Variants in SIL1 observed in about 807,000 individuals in gnomAD.
SIL1 encodes nucleotide exchange factor SIL1.
In SIL1, 40 loss-of-function variants were observed where a neutral mutation model predicts 49.1. The observed-to-expected ratio is 0.81, with a 90% confidence interval of 0.63 to 1.06. SIL1 has a LOEUF of 1.06. Ranked by LOEUF, SIL1 falls within the 50% of genes least tolerant of loss-of-function variation. The pLI, the probability that SIL1 is intolerant of heterozygous loss-of-function variation, is 0.00. For missense variants in SIL1, 500 were observed against 572.6 expected (o/e 0.87, Z 1.29); for synonymous variants, 253 against 250.8 (o/e 1.01, Z -0.08).
chr5:138,984,354 GT>G (rs772380838), intron 7 of SIL1, among the ~76,000 whole-genome samples: 51 of 135,602 alleles, frequency 3.8e-4, no homozygotes, highest in Middle Eastern at 4.0e-3. Flanking sequence ...GTTTGCTTTT[GT>G]TTTTTTTTTT....
At chr5:139,195,096 C>T (rs547873414) in intron 1 of SIL1, among the ~76,000 whole-genome samples, 1 of 151,734 alleles carries the variant, frequency 6.6e-6, no homozygotes, top group South Asian at 2.1e-4. Context: ...CCACGCCCGG[C>T]TAATTTTGCA....
At chr5:139,178,356 T>G (rs559516089) in intron 1 of SIL1, among the ~76,000 whole-genome samples, 2 of 152,310 alleles carry the variant, frequency 1.3e-5, no homozygotes, top group South Asian at 4.1e-4. Context: ...GTGCTGCTCA[T>G]TTGCAAATCC....
Position 139,143,344 on chromosome 5 carries a change from C to CATAT in SIL1, c.-10-15495_-10-15492dup, listed in dbSNP as rs1314250793. ...ACACACACACACACACACACACACA[C>CATAT]ATATATATATATATATATATATGGT... On this transcript the variant is annotated intron_variant, in intron 1 of 9. Coordinates refer to ENST00000394817, the MANE Select transcript of SIL1 (RefSeq NM_022464.5). 6.4e-4 allele frequency among the ~76,000 whole-genome samples: 62 copies of CATAT among 97,500 alleles called. No homozygotes were observed. The Middle Eastern group carries it at 0.018, about 29-fold the overall frequency. The allele number at this position is 97,500 out of a possible 152,430, so 64.0% of individuals were successfully genotyped here. A position where few individuals can be genotyped will look rare whatever the true frequency, so the allele number is the denominator to read the frequency against.
chr5:138,951,112 T>C (rs1023924833), intron 9 of SIL1, 59 bp downstream of exon 9: 2 of 1,569,434 alleles, frequency 1.3e-6, no homozygotes, highest in Non-Finnish European at 1.7e-6. Flanking sequence ...TGTCTGTCCA[T>C]CCACCCAGAA....
intron 3 of SIL1, among the ~76,000 whole-genome samples, chr5:139,055,718 C>T (rs927953109): frequency 6.7e-6 from 1 of 149,556 alleles, no homozygotes; most frequent in Non-Finnish European, 1.5e-5. Context: ...CCTCTGATGC[C>T]TAGCCGAAGC....
At chr5:139,002,589 T>C (rs1377232805) in intron 7 of SIL1, among the ~76,000 whole-genome samples, 2 of 152,132 alleles carry the variant, frequency 1.3e-5, no homozygotes, top group Non-Finnish European at 2.9e-5. Flanking sequence ...GAAAGAGAAA[T>C]ACAAATTTGG....
chr5:138,995,143 G>A (rs916769711), intron 7 of SIL1, among the ~76,000 whole-genome samples: 2 of 152,032 alleles, frequency 1.3e-5, no homozygotes, highest in African/African-American at 4.8e-5. Flanking sequence ...GAATAGTGCT[G>A]TAATGAACAT....
At chr5:138,949,829 G>GAAAAGAA (rs1339578897) in intron 9 of SIL1, among the ~76,000 whole-genome samples, 1 of 148,752 alleles carries the variant, frequency 6.7e-6, no homozygotes, top group African/African-American at 2.5e-5. Flanking sequence ...AAAAAGAAAA[G>GAAAAGAA]AAAAGAAAAA....
chr5:139,182,968 A>G (rs577816937), intron 1 of SIL1, among the ~76,000 whole-genome samples: 20 of 152,368 alleles, frequency 1.3e-4, no homozygotes, highest in African/African-American at 4.6e-4. Flanking sequence ...ACATGTCCAC[A>G]TAAATCAACT....
intron 3 of SIL1, among the ~76,000 whole-genome samples, chr5:139,054,625 T>C (rs1422624109): frequency 6.6e-6 from 1 of 152,274 alleles, no homozygotes; most frequent in East Asian, 1.9e-4. Flanking sequence ...TTTCAAACTT[T>C]TGACCAAAGT....
At chr5:139,111,675 G>C (rs951143677) in intron 3 of SIL1, among the ~76,000 whole-genome samples, 3 of 152,098 alleles carry the variant, frequency 2.0e-5, no homozygotes, top group Non-Finnish European at 2.9e-5. Flanking sequence ...TATGGCTATC[G>C]CTAACTGAAA....
intron 7 of SIL1, among the ~76,000 whole-genome samples, chr5:138,978,288 T>C (rs1168519272): frequency 6.6e-6 from 1 of 151,194 alleles, no homozygotes; most frequent in Non-Finnish European, 1.5e-5. Context: ...AGAGATGGAA[T>C]CATCCAGTAT....
chr5:139,158,172 A>G (rs977001847), intron 1 of SIL1, among the ~76,000 whole-genome samples: 1 of 152,228 alleles, frequency 6.6e-6, no homozygotes, highest in African/African-American at 2.4e-5. Flanking sequence ...TCAATGGCAG[A>G]GCCAGAATTA....
chr5:139,189,084 T>C (rs958487612), intron 1 of SIL1, among the ~76,000 whole-genome samples: 2 of 152,210 alleles, frequency 1.3e-5, no homozygotes, highest in Non-Finnish European at 2.9e-5. Context: ...CAGCATAACC[T>C]ATCCTGAAAC....
chr5:139,056,721 C>T (rs1407017663), intron 3 of SIL1, among the ~76,000 whole-genome samples: 1 of 151,300 alleles, frequency 6.6e-6, no homozygotes, highest in Non-Finnish European at 1.5e-5. Flanking sequence ...GCCCGGCCAG[C>T]CGCCCCGCCC....
At chr5:139,164,116 C>A (rs1205838440) in intron 1 of SIL1, among the ~76,000 whole-genome samples, 317 of 114,402 alleles carry the variant, frequency 2.8e-3, no homozygotes, top group East Asian at 3.8e-3. Context: ...GAGAATGTCT[C>A]AAAAAAAAAA....
intron 1 of SIL1, chr5:139,155,550 A>C (rs1163081384): frequency 1.3e-5 from 2 of 151,984 alleles, no homozygotes; most frequent in Admixed American, 6.6e-5. Context: ...CCCAAACCTG[A>C]TGACTTCATT....
intron 7 of SIL1, among the ~76,000 whole-genome samples, chr5:138,984,980 G>A (rs534496920): frequency 6.6e-6 from 1 of 152,362 alleles, no homozygotes; most frequent in Admixed American, 6.5e-5. Flanking sequence ...AACGGCAGCA[G>A]TGGAAGCTAC....
chr5:138,955,817 C>T (rs1259844666), intron 7 of SIL1, among the ~76,000 whole-genome samples: 3 of 152,208 alleles, frequency 2.0e-5, no homozygotes, highest in Admixed American at 6.5e-5. Context: ...TGCCGCTGCA[C>T]GGGTGGCAGG....
Sources: gnomAD v4.1 joint callset for allele counts (sites outside exome capture counted in the v4.1 genomes callset) on GRCh38, gnomAD v4.1.1 for gene constraint, MANE v1.5 for transcripts, NCBI Gene and HGNC (gene_info 2026-07-23, HGNC 2026-07-21) for gene names.